The following DNER variants were observed in gnomAD, a reference collection of about 807,000 sequenced individuals.
DNER encodes delta/notch like EGF repeat containing, also known as delta and Notch-like epidermal growth factor-related receptor.
DNER carries 33 observed loss-of-function variants against 78.2 expected under a neutral mutation model. That is an observed-to-expected ratio of 0.42 (90% confidence interval 0.32 to 0.56). The LOEUF is 0.56. Ranked by LOEUF, DNER falls within the 20% of genes least tolerant of loss-of-function variation. The pLI, the probability that DNER is intolerant of heterozygous loss-of-function variation, is 0.11. For missense variants in DNER, 918 were observed against 975.3 expected (o/e 0.94, Z 0.78); for synonymous variants, 417 against 384.8 (o/e 1.08, Z -0.98).
intron 5 of DNER, among the ~76,000 whole-genome samples, chr2:229,525,666 G>A (rs1169199560): frequency 1.3e-5 from 2 of 152,160 alleles, no homozygotes; most frequent in African/African-American, 4.8e-5. Flanking sequence ...GGGCGGGAGT[G>A]CAATGGCGTG....
At chr2:229,705,641 G>A (rs1437833179) in intron 1 of DNER, among the ~76,000 whole-genome samples, 1 of 152,096 alleles carries the variant, frequency 6.6e-6, no homozygotes, top group Non-Finnish European at 1.5e-5. Context: ...CCTGGGCTCA[G>A]ATCCCCAACT....
At position 229,418,229 on chromosome 2, in the gene DNER, A is replaced by T; in HGVS notation, c.1488T>A (p.Gly496=). 2 of 1,613,904 alleles carry T rather than the reference A, an allele frequency of 1.2e-6. No individual in the cohort carries two copies. The highest frequency in any genetic ancestry group is 1.7e-6 in the Non-Finnish European group (2 of 1,179,944). The change falls in exon 9 of 13, where the codon GGT becomes GGA. Residue 496 remains glycine, a splice_region_variant and synonymous_variant. Transcript: ENST00000341772. ...CCTCCTCACAGTAGAGGCCATGGTA[A>T]CCTGAGGGACAGAGAGAAAGGCCCA... ...GTSYKCLCDP[G]YHGLYCEEEY...
At chr2:229,656,357 T>C (rs1261583550) in intron 1 of DNER, among the ~76,000 whole-genome samples, 1 of 152,152 alleles carries the variant, frequency 6.6e-6, no homozygotes, top group African/African-American at 2.4e-5. Context: ...CAAGGTCATC[T>C]CTAAAAAGGT....
chr2:229,365,303 C>A (rs542199744), intron 12 of DNER, among the ~76,000 whole-genome samples: 1 of 152,218 alleles, frequency 6.6e-6, no homozygotes, highest in African/African-American at 2.4e-5. Context: ...AGACAGTACC[C>A]AGGAAGGATG....
At chr2:229,490,219 A>G (rs748721648) in intron 6 of DNER, among the ~76,000 whole-genome samples, 4 of 152,108 alleles carry the variant, frequency 2.6e-5, no homozygotes, top group Non-Finnish European at 5.9e-5. Context: ...AAAGAGGGAG[A>G]CAAGGTTAGA....
At chr2:229,553,166 T>A (rs1190711351) in intron 4 of DNER, among the ~76,000 whole-genome samples, 1 of 152,202 alleles carries the variant, frequency 6.6e-6, no homozygotes, top group South Asian at 2.1e-4. Context: ...ACACTCTGAA[T>A]GGGATTCTGA....
chr2:229,563,575 T>C (rs559551561), intron 4 of DNER, among the ~76,000 whole-genome samples: 6 of 134,044 alleles, frequency 4.5e-5, no homozygotes, highest in African/African-American at 1.5e-4. Flanking sequence ...CCTCACCCCA[T>C]TGCCATCATC....
At chr2:229,476,906 A>G (rs1310315968) in intron 7 of DNER, among the ~76,000 whole-genome samples, 1 of 152,064 alleles carries the variant, frequency 6.6e-6, no homozygotes, top group East Asian at 1.9e-4. Flanking sequence ...TTCATTTTCA[A>G]TGTATAAATA....
chr2:229,586,119 G>T, intron 3 of DNER, 95 bp from the exon 4 acceptor site: 7 of 1,396,644 alleles, frequency 5.0e-6, no homozygotes, highest in Non-Finnish European at 6.7e-6. Flanking sequence ...AAGATGGTAT[G>T]TGCATCTACC....
chr2:229,392,784 A>G (rs1295306850), intron 10 of DNER, among the ~76,000 whole-genome samples: 1 of 152,152 alleles, frequency 6.6e-6, no homozygotes, highest in Non-Finnish European at 1.5e-5. Context: ...ACAAACCTTG[A>G]AAGGATTAAT....
At chr2:229,622,323 TAG>T (rs1453451036) in intron 1 of DNER, among the ~76,000 whole-genome samples, 3 of 152,052 alleles carry the variant, frequency 2.0e-5, no homozygotes, top group Admixed American at 2.0e-4. Context: ...CCATATGACT[TAG>T]ATAAGACTCA....
At chr2:229,671,892 C>G (rs1316592890) in intron 1 of DNER, among the ~76,000 whole-genome samples, 1 of 152,148 alleles carries the variant, frequency 6.6e-6, no homozygotes, top group Non-Finnish European at 1.5e-5. Context: ...AGTGTAGTGC[C>G]TGGTGCGTAG....
At chr2:229,505,456 C>CG (rs201313926) in intron 6 of DNER, among the ~76,000 whole-genome samples, 21 of 152,014 alleles carry the variant, frequency 1.4e-4, no homozygotes, top group African/African-American at 1.7e-4. Context: ...AGAGTAGAGC[C>CG]GGGGGGGTCC....
At chr2:229,642,498 A>C (rs2154216058) in intron 1 of DNER, among the ~76,000 whole-genome samples, 1 of 152,378 alleles carries the variant, frequency 6.6e-6, no homozygotes, top group South Asian at 2.1e-4. Context: ...TGACAAGGTC[A>C]GTGACTCCAG....
chr2:229,600,690 G>A (rs1697810086), intron 1 of DNER, among the ~76,000 whole-genome samples: 1 of 152,234 alleles, frequency 6.6e-6, no homozygotes, highest in Non-Finnish European at 1.5e-5. Flanking sequence ...ACACAATGAA[G>A]GGTCATACCC....
chr2:229,494,991 G>C (rs892574293), intron 6 of DNER, among the ~76,000 whole-genome samples: 1 of 152,068 alleles, frequency 6.6e-6, no homozygotes, highest in Non-Finnish European at 1.5e-5. Flanking sequence ...TTATCAAATG[G>C]TTCCTCAGCC....
intron 3 of DNER, chr2:229,587,064 C>T: frequency 1.1e-6 from 1 of 924,784 alleles, no homozygotes. Context: ...CAGAGAATGG[C>T]AGGTTTGTTG....
chr2:229,547,355 A>C (rs1696647457), intron 4 of DNER, among the ~76,000 whole-genome samples: 1 of 152,164 alleles, frequency 6.6e-6, no homozygotes, highest in Non-Finnish European at 1.5e-5. Context: ...CAGGCACTTG[A>C]GCAACCACCT....
In DNER at chr2:229,619,564, C is replaced by T. The variant is rs144847889; in HGVS notation, c.277-27676G>A. ...TCCTAGGGCTTCTGTTCAGTTACTG[C>T]CTGATTCTAAATTAATGCCCAAGAT... is the stretch of plus-strand genomic sequence containing the variant. On this transcript the variant is annotated intron_variant, in intron 1 of 12. Transcript: ENST00000341772. Among the ~76,000 whole-genome samples the T allele has an allele frequency of 2.2e-3, 342 of 152,212 alleles. 4 individuals carry two copies. Among genetic ancestry groups the T allele is most frequent in the African/African-American group, 7.7e-3 (321 of 41,534 alleles).
Sources: allele counts gnomAD v4.1 joint callset (sites outside exome capture counted in the v4.1 genomes callset), GRCh38; gene constraint gnomAD v4.1.1; transcripts MANE v1.5; gene names NCBI Gene and HGNC (gene_info 2026-07-23, HGNC 2026-07-21).